Variants in GRXCR1 observed in about 807,000 individuals in gnomAD.
GRXCR1 encodes glutaredoxin and cysteine rich domain containing 1.
Under a neutral mutation model 27.3 loss-of-function variants are expected in GRXCR1, and 27 were observed. The ratio of observed to expected loss-of-function variants is 0.99; its 90% confidence interval spans 0.73 to 1.37. The LOEUF (loss-of-function observed/expected upper bound fraction) is 1.37, where lower values mean the gene tolerates loss of function less well. GRXCR1 is among the 40% of genes most tolerant of loss of function. GRXCR1 has a pLI of 0.00. For missense variants in GRXCR1, 379 were observed against 354.4 expected, an observed-to-expected ratio of 1.07 and a Z score of -0.56; for synonymous variants, 122 against 131.1, an observed-to-expected ratio of 0.93 and a Z score of 0.47.
chr4:42,933,328 G>T (rs983029637), intron 1 of GRXCR1, among the ~76,000 whole-genome samples: 1 of 151,894 alleles, frequency 6.6e-6, no homozygotes. Context: ...CCGCTAGCTG[G>T]AGAACAGCTG....
chr4:42,902,749 G>A (rs1746489607), intron 1 of GRXCR1, among the ~76,000 whole-genome samples: 1 of 152,134 alleles, frequency 6.6e-6, no homozygotes, highest in Admixed American at 6.5e-5. Flanking sequence ...TAACACCTAG[G>A]TGATGGGATG....
At chr4:43,028,260 C>T (rs1713318955) in intron 3 of GRXCR1, among the ~76,000 whole-genome samples, 1 of 152,296 alleles carries the variant, frequency 6.6e-6, no homozygotes, top group East Asian at 1.9e-4. Context: ...ATTTAAATAT[C>T]AGATAAATTA....
intron 1 of GRXCR1, among the ~76,000 whole-genome samples, chr4:42,921,943 T>G (rs527289912): frequency 1.9e-3 from 284 of 152,178 alleles, no homozygotes; most frequent in Non-Finnish European, 3.4e-3. Flanking sequence ...GAAAAGCGAT[T>G]GGAAGTGACA....
In GRXCR1 at chr4:42,946,901, C is replaced by G. The variant is rs182217139; in HGVS notation, c.385-15991C>G. ...ATTAAGTCTAGAGGATGCAAAATTA[C>G]ATAACATACACTTTTTGATCTCAGA... On this transcript the variant is annotated intron_variant, in intron 1 of 3. Coordinates refer to ENST00000399770, the MANE Select transcript of GRXCR1 (RefSeq NM_001080476.3). Among the ~76,000 whole-genome samples, 55 of 152,258 alleles carry G rather than the reference C, an allele frequency of 3.6e-4. 2 individuals carry two copies. In the East Asian group the frequency reaches 8.9e-3, roughly 25 times the overall value.
chr4:43,000,079 A>G (rs1712301276), intron 2 of GRXCR1, among the ~76,000 whole-genome samples: 1 of 152,242 alleles, frequency 6.6e-6, no homozygotes, highest in South Asian at 2.1e-4. Context: ...CGTTCTGAGT[A>G]GTATGATAAA....
At chr4:42,960,783 G>A (rs921343748) in intron 1 of GRXCR1, among the ~76,000 whole-genome samples, 3 of 151,592 alleles carry the variant, frequency 2.0e-5, no homozygotes, top group African/African-American at 7.3e-5. Flanking sequence ...ATACACAGGT[G>A]GCCAGTGGCA....
chr4:42,909,018 G>A (rs1050877725), intron 1 of GRXCR1, among the ~76,000 whole-genome samples: 2 of 152,166 alleles, frequency 1.3e-5, no homozygotes, highest in African/African-American at 4.8e-5. Flanking sequence ...CAGCAAACAA[G>A]ACATAGGGTT....
chr4:43,018,329 T>C (rs1387546766), intron 2 of GRXCR1, among the ~76,000 whole-genome samples: 2 of 152,192 alleles, frequency 1.3e-5, no homozygotes, highest in Non-Finnish European at 2.9e-5. Context: ...TCCTCTGTTA[T>C]GGAGCAGCTT....
intron 1 of GRXCR1, among the ~76,000 whole-genome samples, chr4:42,946,808 A>G (rs1305765214): frequency 6.6e-6 from 1 of 152,186 alleles, no homozygotes; most frequent in Non-Finnish European, 1.5e-5. Context: ...AAATTTCAAC[A>G]TATGAATTTT....
intron 1 of GRXCR1, among the ~76,000 whole-genome samples, chr4:42,958,814 G>A (rs992954736): frequency 6.6e-6 from 1 of 151,872 alleles, no homozygotes; most frequent in African/African-American, 2.4e-5. Flanking sequence ...ATATATAAAA[G>A]TGCTCAACAT....
intron 1 of GRXCR1, among the ~76,000 whole-genome samples, chr4:42,917,255 A>G (rs1391029262): frequency 6.6e-6 from 1 of 152,152 alleles, no homozygotes; most frequent in Non-Finnish European, 1.5e-5. Context: ...GAAAGTAGAA[A>G]TATATGGGAG....
chr4:42,932,983 A>G (rs992158050), intron 1 of GRXCR1, among the ~76,000 whole-genome samples: 2 of 151,838 alleles, frequency 1.3e-5, no homozygotes, highest in African/African-American at 2.4e-5. Context: ...AGAATCATCT[A>G]TATGATTCTA....
intron 2 of GRXCR1, among the ~76,000 whole-genome samples, chr4:43,015,740 G>A (rs1407644664): frequency 1.3e-5 from 2 of 151,200 alleles, no homozygotes; most frequent in South Asian, 2.1e-4. Flanking sequence ...AGATGAGGTG[G>A]TTTATGACTA....
At chr4:42,998,850 G>A (rs1007398567) in intron 2 of GRXCR1, among the ~76,000 whole-genome samples, 6 of 152,302 alleles carry the variant, frequency 3.9e-5, no homozygotes, top group Non-Finnish European at 7.3e-5. Flanking sequence ...TCAGAGATAA[G>A]TTTTGAGAGT....
At chr4:42,961,283 C>T (rs896009609) in intron 1 of GRXCR1, among the ~76,000 whole-genome samples, 1 of 151,948 alleles carries the variant, frequency 6.6e-6, no homozygotes, top group African/African-American at 2.4e-5. Flanking sequence ...CACGTCTTTG[C>T]TATTGTCAAT....
At chr4:42,972,867 C>T (rs373032767) in intron 2 of GRXCR1, among the ~76,000 whole-genome samples, 4 of 152,230 alleles carry the variant, frequency 2.6e-5, no homozygotes, top group African/African-American at 7.2e-5. Flanking sequence ...TCTTTAGCAG[C>T]ATATTTACAT....
At position 42,893,478 on chromosome 4, in the gene GRXCR1, A is replaced by T. The variant is rs1170833485; in HGVS notation, c.212A>T (p.Asp71Val). 6.2e-7 allele frequency: 1 copy of T among 1,613,868 alleles called. No individual in the cohort carries two copies. Among genetic ancestry groups the T allele is most frequent in the East Asian group, 2.2e-5 (1 of 44,850 alleles). Reference protein sequence around the residue: ...QQNGHIESEGDENENDQDSLL... With the variant: ...QQNGHIESEGVENENDQDSLL... ...AATGGCCACATAGAGTCAGAAGGTG[A>T]TGAGAATGAGAATGACCAGGATAGC... is the stretch of plus-strand genomic sequence containing the variant. The change falls in exon 1 of 4, where the codon GAT (aspartate) becomes GTT (valine). Residue 71 changes from aspartate to valine, a missense_variant. By Grantham distance (152) the Asp-to-Val change is radical (BLOSUM62 -3). Transcript: ENST00000399770.
chr4:42,903,365 G>C (rs1212959880), intron 1 of GRXCR1, among the ~76,000 whole-genome samples: 2 of 128,998 alleles, frequency 1.6e-5, no homozygotes, highest in Non-Finnish European at 3.1e-5. Context: ...AGGCTGGAGT[G>C]CAGTGGCATG....
intron 1 of GRXCR1, among the ~76,000 whole-genome samples, chr4:42,918,833 G>A (rs1040971673): frequency 2.0e-5 from 3 of 152,030 alleles, no homozygotes; most frequent in African/African-American, 7.2e-5. Flanking sequence ...AGATAGAAGA[G>A]CTCCTTTGAT....
Sources: allele counts gnomAD v4.1 joint callset (sites outside exome capture counted in the v4.1 genomes callset), GRCh38; gene constraint gnomAD v4.1.1; transcripts MANE v1.5; gene names NCBI Gene and HGNC (gene_info 2026-07-23, HGNC 2026-07-21).